STYXL1: variants seen among roughly 807,000 people sequenced by gnomAD.
The protein encoded by STYXL1 is serine/threonine/tyrosine-interacting-like protein 1.
In STYXL1, 32 loss-of-function variants were observed where a neutral mutation model predicts 36.4. The observed-to-expected ratio is 0.88, with a 90% CI of 0.66 to 1.18. The LOEUF is 1.18. STYXL1 is among the 50% of genes most tolerant of loss of function. The probability of loss-of-function intolerance (pLI) is 0.00; values close to 1 mark genes in which losing one functional copy is unlikely to be tolerated. For synonymous variants in STYXL1, 133 were observed against 144.1 expected (o/e 0.92, Z 0.55); for missense variants, 354 against 394.1 (o/e 0.90, Z 0.86).
chr7:76,025,065 G>C (rs932306508), intron 3 of STYXL1, among the ~76,000 whole-genome samples: 2 of 151,218 alleles, frequency 1.3e-5, no homozygotes, highest in Non-Finnish European at 2.9e-5. Context: ...TGCTGCTAAG[G>C]TGTCAGGTGA....
At chr7:76,046,244 C>A (rs1796946773) in intron 1 of STYXL1, among the ~76,000 whole-genome samples, 1 of 148,146 alleles carries the variant, frequency 6.8e-6, no homozygotes, top group Admixed American at 6.7e-5. Context: ...TGAGAAACAC[C>A]TACTCTTCCA....
chr7:76,034,234 T>C lies in STYXL1; in HGVS notation c.-4-3707A>G, dbSNP rs74986808. ...CCTCCTACCTCAGACTCCTACGTAA[T>C]TGGAACTACAGGCACATGCCACCAT... On this transcript the variant is annotated intron_variant, in intron 1 of 8. Transcript: ENST00000359697. Among the ~76,000 whole-genome samples the C allele has an allele frequency of 7.9e-3, 1,196 of 152,124 alleles. 19 individuals carry two copies. Among genetic ancestry groups the C allele is most frequent in the African/African-American group, 0.027 (1,103 of 41,544 alleles).
chr7:76,038,213 C>T (rs924015114), intron 1 of STYXL1, among the ~76,000 whole-genome samples: 2 of 149,326 alleles, frequency 1.3e-5, no homozygotes, highest in Admixed American at 6.7e-5. Context: ...TGCCACCACA[C>T]CTAGCTAAGT....
chr7:76,023,785 G>A (rs1157638107), intron 3 of STYXL1, among the ~76,000 whole-genome samples: 1 of 152,040 alleles, frequency 6.6e-6, no homozygotes, highest in Non-Finnish European at 1.5e-5. Flanking sequence ...GGAGGCCAAG[G>A]TGGGCGGATC....
At chr7:76,036,189 C>T (rs1585327517) in intron 1 of STYXL1, among the ~76,000 whole-genome samples, 1 of 150,160 alleles carries the variant, frequency 6.7e-6, no homozygotes, top group Middle Eastern at 3.6e-3. Context: ...TAACCTCCAC[C>T]TCCCGGGTTC....
chr7:76,028,766 G>A lies in STYXL1; in HGVS notation c.104-63C>T. 3 of 1,427,960 alleles carry A rather than the reference G, an allele frequency of 2.1e-6. No individual in the cohort carries two copies. In the South Asian group the frequency reaches 3.5e-5, roughly 17 times the overall value. The allele number at this position is 1,427,960 out of a possible 1,614,324, so 88.5% of individuals were successfully genotyped here. On this transcript the variant is annotated intron_variant, in intron 2 of 8. Coordinates refer to ENST00000359697, the MANE Select transcript of STYXL1 (RefSeq NM_001317785.2). ...GGAACATACGACCAAACTACTCAGA[G>A]GACCTACGTCGTCATCAACGTCTAT...
rs1790150956 is a variant in STYXL1, at chr7:75,996,559, C to A, written c.851G>T (p.Cys284Phe). Residue 284 changes from cysteine to phenylalanine, a missense_variant, in exon 9 of 9, where the codon TGT (cysteine) becomes TTT (phenylalanine). Physicochemically the swap from Cys to Phe is radical, Grantham distance 205. Coordinates refer to ENST00000359697, the MANE Select transcript of STYXL1 (RefSeq NM_001317785.2). ...AYVKKCKNNMCPNRGLVSQLL... is the reference protein window; with the variant it reads ...AYVKKCKNNMFPNRGLVSQLL... ...CTGGCTCACCAATCCCCGATTTGGA[C>A]ACATGTTGTTTTTGCACTTCTTGAC... 2 of 1,614,228 alleles carry A rather than the reference C, an allele frequency of 1.2e-6. No homozygotes were observed. The highest frequency in any genetic ancestry group is 2.2e-5 in the South Asian group (2 of 91,084).
At chr7:76,044,635 C>T (rs1796773252) in intron 1 of STYXL1, 2 of 152,148 alleles carry the variant, frequency 1.3e-5, no homozygotes, top group Admixed American at 1.3e-4. Context: ...TCAACTCTCC[C>T]CCTCTACAGA....
chr7:76,019,760 A>G lies in STYXL1; in HGVS notation c.307+2091T>C, dbSNP rs571646952. Among the ~76,000 whole-genome samples the G allele has an allele frequency of 1.1e-4, 16 of 152,184 alleles. No individual in the cohort carries two copies. The South Asian group carries it at 3.3e-3, about 32-fold the overall frequency. On this transcript the variant is annotated intron_variant, in intron 4 of 8. Coordinates refer to ENST00000359697, the MANE Select transcript of STYXL1 (RefSeq NM_001317785.2). Reference sequence around the variant, plus strand: ...GCTGAGAGAGAATCTGCAGCTCTCAAGACAGGAGCCAAAGCTCACCCCACA... The same window carrying G: ...GCTGAGAGAGAATCTGCAGCTCTCAGGACAGGAGCCAAAGCTCACCCCACA...
At position 76,038,002 on chromosome 7, in the gene STYXL1, TG is replaced by T. The variant is rs1438324427; in HGVS notation, c.-4-7476del. Among the ~76,000 whole-genome samples the T allele has an allele frequency of 6.7e-5, 10 of 150,162 alleles. 2 individuals carry two copies. Among genetic ancestry groups the T allele is most frequent in the African/African-American group, 2.4e-4 (10 of 41,084 alleles). ...GCTATAGGATCATTCAAGAGCTAAA[TG>T]ATATAAATTGCCTAGCAGTGGGCCT... On this transcript the variant is annotated intron_variant, in intron 1 of 8. Transcript: ENST00000359697.
At chr7:76,041,840 T>C (rs1018735923) in intron 1 of STYXL1, among the ~76,000 whole-genome samples, 2 of 152,172 alleles carry the variant, frequency 1.3e-5, no homozygotes, top group Non-Finnish European at 2.9e-5. Flanking sequence ...AATCAGGAAA[T>C]AGCTGTCTTG....
At chr7:76,045,099 C>T (rs1237759141) in intron 1 of STYXL1, 1 of 152,016 alleles carries the variant, frequency 6.6e-6, no homozygotes, top group Non-Finnish European at 1.5e-5. Flanking sequence ...CTTTATTTTT[C>T]TCCTCTCCTT....
intron 2 of STYXL1, among the ~76,000 whole-genome samples, chr7:76,029,018 G>C (rs371659685): frequency 3.3e-5 from 5 of 151,648 alleles, no homozygotes; most frequent in African/African-American, 1.2e-4. Flanking sequence ...AGCTACTCAC[G>C]AGGCTGAAGG....
chr7:76,001,122 G>A (rs782558434), intron 7 of STYXL1, 120 bp from the exon 8 acceptor site: 78 of 723,830 alleles, frequency 1.1e-4, no homozygotes, highest in Non-Finnish European at 1.8e-4. Flanking sequence ...ACCAGCCCAC[G>A]TGACCTCGGC....
Position 76,000,929 on chromosome 7 carries a change from G to A in STYXL1, c.771C>T (p.Ile257=). 1 of 1,614,210 alleles carries A rather than the reference G, an allele frequency of 6.2e-7. No individual in the cohort carries two copies. ...CGTTACTATGCATGAGGTAGGCTAT[G>A]ATGGCGGCACAACTGCGGCTGATAC... The part of the protein sequence containing the change: ...TQGISRSCAA[I]IAYLMHSNEQ... The change falls in exon 8 of 9, where the codon ATC becomes ATT. Residue 257 remains isoleucine (I), a synonymous_variant. Coordinates refer to ENST00000359697, the MANE Select transcript of STYXL1 (RefSeq NM_001317785.2).
intron 1 of STYXL1, 32 bp from the exon 2 acceptor site, chr7:76,030,559 A>C: frequency 7.4e-7 from 1 of 1,355,602 alleles, no homozygotes; most frequent in Non-Finnish European, 1.1e-6. Flanking sequence ...CAAGGGTAAC[A>C]TAACTCTATT....
At chr7:76,010,923 T>C (rs1038764436) in intron 5 of STYXL1, among the ~76,000 whole-genome samples, 4 of 152,204 alleles carry the variant, frequency 2.6e-5, no homozygotes, top group Non-Finnish European at 4.4e-5. Flanking sequence ...TTCAAAACTA[T>C]ACACTAGTTG....
At chr7:76,026,844 C>T (rs782392388) in intron 3 of STYXL1, among the ~76,000 whole-genome samples, 1 of 152,128 alleles carries the variant, frequency 6.6e-6, no homozygotes, top group East Asian at 1.9e-4. Context: ...GTCAGGAGTT[C>T]CAGACCAGCC....
rs9640946 is a variant in STYXL1 at position 76,015,648 on chromosome 7, A to C, written c.308-1761T>G. 3.9e-4 allele frequency among the ~76,000 whole-genome samples: 60 copies of C among 152,322 alleles called. No homozygotes were observed. The East Asian group carries it at 9.3e-3, about 24-fold the overall frequency. ...CAAAGATCCAATATCCAAAATCTAT[A>C]AGGAACTGAAATCAAGAAGCAAAAA... is the stretch of plus-strand genomic sequence containing the variant. On this transcript the variant is annotated intron_variant, in intron 4 of 8. Coordinates refer to ENST00000359697, the MANE Select transcript of STYXL1 (RefSeq NM_001317785.2).
Sources: allele counts gnomAD v4.1 joint callset (sites outside exome capture counted in the v4.1 genomes callset), GRCh38; gene constraint gnomAD v4.1.1; transcripts MANE v1.5; gene names NCBI Gene and HGNC (gene_info 2026-07-23, HGNC 2026-07-21).